The following SEMA5A variants were observed in gnomAD, a reference collection of about 807,000 sequenced individuals.
SEMA5A encodes semaphorin-5A.
Under a neutral mutation model 135.5 loss-of-function variants are expected in SEMA5A, and 55 were observed. The ratio of observed to expected loss-of-function variants is 0.41; its 90% confidence interval spans 0.33 to 0.51. SEMA5A has a LOEUF of 0.51. SEMA5A is among the 20% of genes least tolerant of loss of function. SEMA5A has a pLI of 0.37. For missense variants in SEMA5A, 1,290 were observed against 1,419.9 expected, an observed-to-expected ratio of 0.91 and a Z score of 1.47; for synonymous variants, 580 against 546.5, an observed-to-expected ratio of 1.06 and a Z score of -0.85.
At chr5:9,403,917 A>AGTTTGTTT (rs370973339) in intron 2 of SEMA5A, among the ~76,000 whole-genome samples, 35 of 151,400 alleles carry the variant, frequency 2.3e-4, no homozygotes, top group African/African-American at 8.2e-4. Flanking sequence ...ACTGTGAATC[A>AGTTTGTTT]GTTTGTTTGT....
chr5:9,460,127 T>G (rs761899472), intron 1 of SEMA5A, among the ~76,000 whole-genome samples: 3 of 152,250 alleles, frequency 2.0e-5, no homozygotes, highest in Non-Finnish European at 2.9e-5. Flanking sequence ...AAATTTTTGG[T>G]AGCTCATATA....
chr5:9,185,429 C>T (rs1376335873), intron 11 of SEMA5A, among the ~76,000 whole-genome samples: 1 of 152,090 alleles, frequency 6.6e-6, no homozygotes, highest in East Asian at 1.9e-4. Context: ...TAAAATTTTG[C>T]AAGTTTGAAA....
chr5:9,491,273 AT>A (rs1734988952), intron 1 of SEMA5A, among the ~76,000 whole-genome samples: 1 of 151,866 alleles, frequency 6.6e-6, no homozygotes, highest in Admixed American at 6.6e-5. Flanking sequence ...AGCACAGGGG[AT>A]TTTCGGGGCA....
chr5:9,296,961 TG>T (rs1398727807), intron 5 of SEMA5A, among the ~76,000 whole-genome samples: 2 of 150,936 alleles, frequency 1.3e-5, no homozygotes, highest in Non-Finnish European at 2.9e-5. Flanking sequence ...AATGGATTAC[TG>T]AGTTACTATG....
chr5:9,361,966 G>A (rs1754716397), intron 3 of SEMA5A, among the ~76,000 whole-genome samples: 1 of 152,186 alleles, frequency 6.6e-6, no homozygotes, highest in Non-Finnish European at 1.5e-5. Context: ...AAGATTTGGT[G>A]TTAAGGCCCC....
intron 21 of SEMA5A, among the ~76,000 whole-genome samples, chr5:9,048,211 T>C (rs745709911): frequency 6.6e-6 from 1 of 152,210 alleles, no homozygotes; most frequent in South Asian, 2.1e-4. Context: ...CCGAACACAA[T>C]GCTTTTGGAT....
chr5:9,525,440 G>A lies in SEMA5A; in HGVS notation c.-175+20144C>T, dbSNP rs545425016. Among the ~76,000 whole-genome samples the A allele has an allele frequency of 1.9e-3, 284 of 152,308 alleles. 2 individuals are homozygous for A. The highest frequency in any genetic ancestry group is 6.7e-3 in the African/African-American group (279 of 41,562). On this transcript the variant is annotated intron_variant, in intron 1 of 22. Coordinates refer to ENST00000382496, the MANE Select transcript of SEMA5A (RefSeq NM_003966.3). ...ACTCCAGACATAAACTGGGACTTGAGAAAGAAGCTGAATTCTAATGAAGAA... is the reference window on the plus strand; with the variant it reads ...ACTCCAGACATAAACTGGGACTTGAAAAAGAAGCTGAATTCTAATGAAGAA...
Position 9,545,204 on chromosome 5 carries a change from C to G in SEMA5A, c.-175+380G>C, listed in dbSNP as rs901621565. ...CTCCGTGTCCCCTGCCCCCGGCTCGCGGCAGTGCGAGCCTGGAGGCGCGCC... is the reference window on the plus strand; with the variant it reads ...CTCCGTGTCCCCTGCCCCCGGCTCGGGGCAGTGCGAGCCTGGAGGCGCGCC... On this transcript the variant is annotated intron_variant, in intron 1 of 22. Transcript: ENST00000382496. This position sits in a 1 kb window ranked among gnomAD's most constrained non-coding sequence, Gnocchi z 4.5. Among the ~76,000 whole-genome samples the G allele has an allele frequency of 1.3e-5, 2 of 152,062 alleles. No individual in the cohort carries two copies. Among genetic ancestry groups the G allele is most frequent in the South Asian group, 4.1e-4 (2 of 4,820 alleles).
Position 9,341,340 on chromosome 5 carries a change from TA to T in SEMA5A, c.125-3529del, listed in dbSNP as rs1445471863. Among the ~76,000 whole-genome samples the T allele has an allele frequency of 2.6e-5, 4 of 152,020 alleles. No individual in the cohort carries two copies. The East Asian group carries it at 7.7e-4, about 29-fold the overall frequency. On this transcript the variant is annotated intron_variant, in intron 3 of 22. Transcript: ENST00000382496. Reference sequence around the variant, plus strand: ...TCATCATCACAATAACAGATTTCAGTAGTAGCAGGAAAACGTCATCAATACT... The same window carrying T: ...TCATCATCACAATAACAGATTTCAGTGTAGCAGGAAAACGTCATCAATACT...
chr5:9,384,739 GACAGATGCATACATACATCTGCAT>G (rs1257148898), intron 2 of SEMA5A, among the ~76,000 whole-genome samples: 3 of 148,614 alleles, frequency 2.0e-5, no homozygotes, highest in Non-Finnish European at 4.5e-5. Flanking sequence ...CAGACAGACA[GACAGATGCATACATACATCTGCAT>G]ATGCATACAT....
intron 5 of SEMA5A, among the ~76,000 whole-genome samples, chr5:9,290,230 A>C (rs1033602249): frequency 4.6e-5 from 7 of 152,088 alleles, no homozygotes; most frequent in Non-Finnish European, 1.0e-4. Context: ...TAGTCCTCAA[A>C]GTCCATTGTA....
intron 12 of SEMA5A, among the ~76,000 whole-genome samples, chr5:9,152,047 G>A (rs1226335712): frequency 2.6e-5 from 4 of 152,202 alleles, no homozygotes; most frequent in Non-Finnish European, 4.4e-5. Flanking sequence ...CTGATCTGAT[G>A]CAGAACTTAG....
intron 2 of SEMA5A, among the ~76,000 whole-genome samples, chr5:9,427,435 T>C (rs919307174): frequency 1.3e-5 from 2 of 152,164 alleles, no homozygotes; most frequent in Non-Finnish European, 2.9e-5. Flanking sequence ...AAAATGATAG[T>C]GGCTTGGGAG....
intron 1 of SEMA5A, among the ~76,000 whole-genome samples, chr5:9,473,383 T>TAAAA (rs58137756): frequency 0.11 from 8,428 of 79,610 alleles, 822 homozygotes; most frequent in South Asian, 0.13. Flanking sequence ...CAATCAGTGG[T>TAAAA]AAAAAAAAAA....
intron 5 of SEMA5A, among the ~76,000 whole-genome samples, chr5:9,316,786 A>G (rs1752413237): frequency 6.6e-6 from 1 of 152,076 alleles, no homozygotes; most frequent in Non-Finnish European, 1.5e-5. Context: ...TTATTTATTT[A>G]TTTATTTATT....
chr5:9,156,534 A>T, intron 11 of SEMA5A, among the ~76,000 whole-genome samples: 1 of 152,202 alleles, frequency 6.6e-6, no homozygotes, highest in East Asian at 1.9e-4. Context: ...ACATCATCTG[A>T]GACACATGTT....
chr5:9,501,151 A>G (rs186799154), intron 1 of SEMA5A, among the ~76,000 whole-genome samples: 1 of 152,352 alleles, frequency 6.6e-6, no homozygotes, highest in East Asian at 1.9e-4. Context: ...CTTTTATCCA[A>G]TTAAAATATA....
At chr5:9,362,794 G>A (rs1041871531) in intron 3 of SEMA5A, among the ~76,000 whole-genome samples, 2 of 152,184 alleles carry the variant, frequency 1.3e-5, no homozygotes, top group African/African-American at 2.4e-5. Flanking sequence ...GATTTCTATG[G>A]TTAGGAGCTG....
chr5:9,300,617 C>T (rs10063363), intron 5 of SEMA5A, among the ~76,000 whole-genome samples: 21,214 of 152,172 alleles, frequency 0.14, 1,572 homozygotes, highest in South Asian at 0.19. Context: ...CCTCCCAAAA[C>T]ATATATCTAT....
Sources: gnomAD v4.1 joint callset for allele counts (sites outside exome capture counted in the v4.1 genomes callset) on GRCh38, gnomAD v4.1.1 for gene constraint, Gnocchi (gnomAD v3.1) non-coding constraint, MANE v1.5 for transcripts, NCBI Gene and HGNC (gene_info 2026-07-23, HGNC 2026-07-21) for gene names.